The following CTNNA2 variants were observed in gnomAD, a reference collection of about 807,000 sequenced individuals.
CTNNA2 encodes catenin alpha-2.
A neutral mutation model predicts 101.0 loss-of-function variants in CTNNA2; 42 were observed. That is an observed-to-expected ratio of 0.42 (90% CI 0.32 to 0.54). CTNNA2 has a LOEUF of 0.54. CTNNA2 is among the 20% of genes least tolerant of loss of function. The probability of loss-of-function intolerance (pLI) is 0.14; values close to 1 mark genes in which losing one functional copy is unlikely to be tolerated. For missense variants in CTNNA2, 871 were observed against 1,223.1 expected, an observed-to-expected ratio of 0.71 and a Z score of 4.29; for synonymous variants, 450 against 456.4, an observed-to-expected ratio of 0.99 and a Z score of 0.18.
At chr2:80,541,522 A>G (rs1691553830) in intron 9 of CTNNA2, among the ~76,000 whole-genome samples, 3 of 152,212 alleles carry the variant, frequency 2.0e-5, no homozygotes, top group Admixed American at 2.0e-4. Flanking sequence ...ATGAGAAAAC[A>G]GTTCAAAAGA....
Position 80,303,087 on chromosome 2 carries a change from C to T in CTNNA2, c.1057-90124C>T. ...TCCAGCGAGCTGACCACAATGGCCA[C>T]CTTGTTCCTCCGCAGGCAGAGCGAG... On this transcript the variant is annotated intron_variant, in intron 7 of 18. Transcript: ENST00000402739. The surrounding 1 kb of genome is among the most constrained non-coding windows in gnomAD (Gnocchi z 7.7). 1 of 1,614,024 alleles carries T rather than the reference C, an allele frequency of 6.2e-7. No individual in the cohort carries two copies. Among genetic ancestry groups the T allele is most frequent in the South Asian group, 1.1e-5 (1 of 91,072 alleles).
At chr2:79,270,976 G>C (rs189779543) in intron 2 of CTNNA2, among the ~76,000 whole-genome samples, 85 of 152,094 alleles carry the variant, frequency 5.6e-4, no homozygotes, top group African/African-American at 1.9e-3. Flanking sequence ...ATGCCAGAAG[G>C]CTGCATATTT....
intron 4 of CTNNA2, among the ~76,000 whole-genome samples, chr2:79,866,986 T>A (rs1297547373): frequency 6.6e-6 from 1 of 152,176 alleles, no homozygotes; most frequent in African/African-American, 2.4e-5. Context: ...CAATCTGACC[T>A]CATAGCCCTC....
rs1462933861 is a variant in CTNNA2 at position 79,792,721 on chromosome 2, A to AAT, written c.298+48140_298+48141dup. On this transcript the variant is annotated intron_variant, in intron 3 of 18. Coordinates refer to ENST00000402739, the MANE Select transcript of CTNNA2 (RefSeq NM_001282597.3). ...TTTCATGGTTTTGTGATATTAGAAA[A>AAT]ATCACTTACCATTCTGCCCTCAGTT... Among the ~76,000 whole-genome samples, 5 of 152,290 alleles carry AAT rather than the reference A, an allele frequency of 3.3e-5. No homozygotes were observed. In the South Asian group the frequency reaches 1.0e-3, roughly 32 times the overall value.
intron 7 of CTNNA2, among the ~76,000 whole-genome samples, chr2:80,281,914 A>G (rs560392313): frequency 1.3e-5 from 2 of 152,058 alleles, no homozygotes; most frequent in Non-Finnish European, 2.9e-5. Flanking sequence ...AAGTAATGCT[A>G]AAGTTGGAAG....
rs70940046 is a variant in CTNNA2 at position 79,818,848 on chromosome 2, T to TATATATATATATATATATATATATA, written c.299-39165_299-39164insATATATATATATATATATATATATA. The stretch of plus-strand genomic sequence containing the variant: ...ATATATATATATATATATATATATA[T>TATATATATATATATATATATATATA]GGATGTATGTGTATCATATTAAGTA... On this transcript the variant is annotated intron_variant, in intron 3 of 18. Coordinates refer to ENST00000402739, the MANE Select transcript of CTNNA2 (RefSeq NM_001282597.3). 3.0e-4 allele frequency among the ~76,000 whole-genome samples: 41 copies of TATATATATATATATATATATATATA among 135,394 alleles called. 1 individual carries two copies. Among genetic ancestry groups the TATATATATATATATATATATATATA allele is most frequent in the African/African-American group, 9.2e-4 (33 of 35,796 alleles). 88.8% of individuals were successfully genotyped at this position (135,394 alleles called of 152,430 possible).
chr2:80,564,809 A>T (rs1050736692), intron 12 of CTNNA2, among the ~76,000 whole-genome samples: 3 of 152,186 alleles, frequency 2.0e-5, no homozygotes, highest in Non-Finnish European at 2.9e-5. Flanking sequence ...AAATAGCAGC[A>T]AATAGGGAGC....
At chr2:79,273,213 A>G (rs1183032279) in intron 2 of CTNNA2, among the ~76,000 whole-genome samples, 1 of 152,004 alleles carries the variant, frequency 6.6e-6, no homozygotes, top group Admixed American at 6.6e-5. Flanking sequence ...CACAGATATT[A>G]CTCATTTTAT....
At chr2:80,139,568 T>C (rs1702885235) in intron 7 of CTNNA2, among the ~76,000 whole-genome samples, 1 of 152,184 alleles carries the variant, frequency 6.6e-6, no homozygotes, top group African/African-American at 2.4e-5. Flanking sequence ...GTAAGTGTAA[T>C]ACGTATCAGT....
intron 7 of CTNNA2, among the ~76,000 whole-genome samples, chr2:80,047,161 C>G (rs1329629515): frequency 6.6e-6 from 1 of 152,186 alleles, no homozygotes; most frequent in Non-Finnish European, 1.5e-5. Flanking sequence ...AAAGTAACTT[C>G]AGTTCCTTTA....
chr2:79,982,358 CTATATAACA>C (rs70940066), intron 7 of CTNNA2, among the ~76,000 whole-genome samples: 1 of 132,500 alleles, frequency 7.5e-6, no homozygotes, highest in African/African-American at 3.2e-5. Flanking sequence ...CCTATATAAC[CTATATAACA>C]TATATATAAC....
At chr2:79,887,678 A>G (rs73941338) in intron 6 of CTNNA2, among the ~76,000 whole-genome samples, 6,713 of 152,214 alleles carry the variant, frequency 0.044, 475 homozygotes, top group African/African-American at 0.15. Context: ...TTACTTCTTA[A>G]AAAAGAAAAA....
intron 3 of CTNNA2, among the ~76,000 whole-genome samples, chr2:79,758,078 A>AT (rs1403004673): frequency 6.6e-6 from 1 of 152,236 alleles, no homozygotes; most frequent in East Asian, 1.9e-4. Flanking sequence ...CCGATAGATC[A>AT]TGAAACTATC....
At chr2:79,370,371 C>T (rs944241519) in intron 3 of CTNNA2, among the ~76,000 whole-genome samples, 5 of 152,300 alleles carry the variant, frequency 3.3e-5, no homozygotes, top group African/African-American at 1.2e-4. Flanking sequence ...GAACTAGGAA[C>T]AAACCCTAAA....
At chr2:80,008,375 G>T (rs1693527570) in intron 7 of CTNNA2, among the ~76,000 whole-genome samples, 1 of 152,164 alleles carries the variant, frequency 6.6e-6, no homozygotes. Flanking sequence ...CCTAGCTTTT[G>T]CATGAACCAG....
chr2:80,527,783 G>A (rs1412359770), intron 9 of CTNNA2, among the ~76,000 whole-genome samples: 1 of 152,084 alleles, frequency 6.6e-6, no homozygotes, highest in African/African-American at 2.4e-5. Flanking sequence ...CATTTACCTG[G>A]AAATACTCTA....
intron 7 of CTNNA2, among the ~76,000 whole-genome samples, chr2:80,203,023 T>C (rs1199218611): frequency 1.3e-5 from 2 of 152,144 alleles, no homozygotes; most frequent in Non-Finnish European, 2.9e-5. Context: ...GCAACTCCTG[T>C]TTTTAAAACC....
chr2:80,011,122 CAA>C (rs1693746200), intron 7 of CTNNA2, among the ~76,000 whole-genome samples: 1 of 152,120 alleles, frequency 6.6e-6, no homozygotes. Flanking sequence ...TTACACCCCT[CAA>C]GAGCAAATAG....
chr2:79,917,897 C>T (rs1686367254), intron 7 of CTNNA2, among the ~76,000 whole-genome samples: 1 of 152,222 alleles, frequency 6.6e-6, no homozygotes, highest in Admixed American at 6.5e-5. Flanking sequence ...TCTAGACTGG[C>T]ATGAGGGTGT....
Sources: gnomAD v4.1 joint callset for allele counts (sites outside exome capture counted in the v4.1 genomes callset) on GRCh38, gnomAD v4.1.1 for gene constraint, Gnocchi (gnomAD v3.1) non-coding constraint, MANE v1.5 for transcripts, NCBI Gene and HGNC (gene_info 2026-07-23, HGNC 2026-07-21) for gene names.